The following ZNF835 variants were observed in gnomAD, a reference collection of about 807,000 sequenced individuals.
ZNF835 encodes the protein zinc finger protein 835.
For synonymous variants in ZNF835, 323 were observed against 324.7 expected, an observed-to-expected ratio of 0.99 and a Z score of 0.06; for missense variants, 783 against 758.4, an observed-to-expected ratio of 1.03 and a Z score of -0.38.
In ZNF835 at chr19:56,664,150, G is replaced by T; in HGVS notation, c.1049C>A (p.Thr350Lys). The T allele has an allele frequency of 6.2e-7, 1 of 1,608,802 alleles. No homozygotes were observed. Among genetic ancestry groups the T allele is most frequent in the Non-Finnish European group, 8.5e-7 (1 of 1,177,700 alleles). ...AKAFTQVSHLTQHQRTHTGER... is the reference protein window; with the variant it reads ...AKAFTQVSHLKQHQRTHTGER... ...TCCGGTGTGCGTGCGCTGGTGCTGCGTCAGGTGCGACACCTGGGTGAAGGC... is the reference window on the plus strand; with the variant it reads ...TCCGGTGTGCGTGCGCTGGTGCTGCTTCAGGTGCGACACCTGGGTGAAGGC... The change falls in exon 2 of 2, where the codon ACG (threonine) becomes AAG (lysine). Residue 350 changes from threonine (T) to lysine (K), a missense_variant. By Grantham distance (78) the Thr-to-Lys change is moderately conservative (BLOSUM62 -1). Transcript: ENST00000537055.
In ZNF835 at chr19:56,664,559, G is replaced by A; in HGVS notation, c.640C>T (p.Arg214Cys). 1 of 1,607,542 alleles carries A rather than the reference G, an allele frequency of 6.2e-7. No homozygotes were observed. Among genetic ancestry groups the A allele is most frequent in the Non-Finnish European group, 8.5e-7 (1 of 1,176,634 alleles). ...TRVTHLTQHR[R>C]VHTGERPYAC... ...TAGGGCCGCTCGCCCGTGTGCACGC[G>A]CCGGTGCTGGGTCAGGTGCGTGACG... The change falls in exon 2 of 2, where the codon CGC becomes TGC. Residue 214 changes from arginine (R) to cysteine (C), a missense_variant. By Grantham distance (180) the Arg-to-Cys change is radical. Transcript: ENST00000537055.
Position 56,667,539 on chromosome 19 carries a change from T to C in ZNF835, c.-47-2294A>G, listed in dbSNP as rs537112624. 7.2e-5 allele frequency among the ~76,000 whole-genome samples: 11 copies of C among 152,360 alleles called. No homozygotes were observed. The South Asian group carries it at 2.3e-3, about 32-fold the overall frequency. On this transcript the variant is annotated intron_variant, in intron 1 of 1. Coordinates refer to ENST00000537055, the MANE Select transcript of ZNF835 (RefSeq NM_001005850.3). ...AGGTCTCTCAGCAAGCTTGGCCTCA[T>C]GTTATGTGTGGGCTCAGCCCCTCAC... is the stretch of plus-strand genomic sequence containing the variant.
In ZNF835 at chr19:56,663,448, C is replaced by T. The variant is rs557797483; in HGVS notation, c.*137G>A. Reference sequence around the variant, plus strand: ...TGGCAGATGTGAGGTACAGTCTTAGCCCTGTGTCTTCCCCACTGTGTGCCC... The same window carrying T: ...TGGCAGATGTGAGGTACAGTCTTAGTCCTGTGTCTTCCCCACTGTGTGCCC... On this transcript the variant is annotated 3_prime_UTR_variant, in exon 2 of 2. Coordinates refer to ENST00000537055, the MANE Select transcript of ZNF835 (RefSeq NM_001005850.3). 9 of 1,234,046 alleles carry T rather than the reference C, an allele frequency of 7.3e-6. No individual in the cohort carries two copies. The highest frequency in any genetic ancestry group is 5.6e-5 in the South Asian group (4 of 71,256). The allele number at this position is 1,234,046 out of a possible 1,614,324, so 76.4% of individuals were successfully genotyped here.
In ZNF835 at chr19:56,665,204, A is replaced by G; in HGVS notation, c.-6T>C. On this transcript the variant is annotated 5_prime_UTR_variant, in exon 2 of 2. Coordinates refer to ENST00000537055, the MANE Select transcript of ZNF835 (RefSeq NM_001005850.3). The stretch of plus-strand genomic sequence containing the variant: ...ACGCTCAAGAGTCCCTCCATCCTCG[A>G]TCCCTGGGCTGCTGTCTTGATCTCA... 6.2e-7 allele frequency: 1 copy of G among 1,613,802 alleles called. No individual in the cohort carries two copies. The highest frequency in any genetic ancestry group is 2.2e-5 in the East Asian group (1 of 44,866).
chr19:56,671,366 G>A (rs1455973447), intron 1 of ZNF835, among the ~76,000 whole-genome samples: 2 of 151,872 alleles, frequency 1.3e-5, no homozygotes, highest in Non-Finnish European at 2.9e-5. Flanking sequence ...TGCAGATGCA[G>A]TGACAGGCTC....
At chr19:56,668,502 T>A (rs2045264231) in intron 1 of ZNF835, among the ~76,000 whole-genome samples, 2 of 151,754 alleles carry the variant, frequency 1.3e-5, no homozygotes, top group African/African-American at 4.8e-5. Flanking sequence ...AGGGCTTGGA[T>A]CACAGGCAGG....
At chr19:56,665,345 C>T (rs990169766) in intron 1 of ZNF835, 100 bp from the exon 2 acceptor site, 3 of 1,070,082 alleles carry the variant, frequency 2.8e-6, no homozygotes, top group Non-Finnish European at 4.3e-6. Flanking sequence ...GCATGGGGTC[C>T]CTGGACCTCT....
At chr19:56,666,376 G>A (rs2045246143) in intron 1 of ZNF835, among the ~76,000 whole-genome samples, 1 of 152,196 alleles carries the variant, frequency 6.6e-6, no homozygotes, top group Non-Finnish European at 1.5e-5. Flanking sequence ...CAAAGTGCTG[G>A]GATTACAGGC....
At chr19:56,667,068 CCTGT>C in intron 1 of ZNF835, among the ~76,000 whole-genome samples, 1 of 152,292 alleles carries the variant, frequency 6.6e-6, no homozygotes, top group Middle Eastern at 3.4e-3. Flanking sequence ...TGCAGGTTAC[CCTGT>C]CTGCTTTGCA....
intron 1 of ZNF835, among the ~76,000 whole-genome samples, chr19:56,667,661 C>T (rs1159930896): frequency 6.6e-6 from 1 of 152,198 alleles, no homozygotes; most frequent in African/African-American, 2.4e-5. Context: ...TGCTGCTGGA[C>T]AGGCTACGTC....
chr19:56,664,697 A>T lies in ZNF835; in HGVS notation c.502T>A (p.Cys168Ser). The T allele has an allele frequency of 6.2e-7, 1 of 1,609,946 alleles. No individual in the cohort carries two copies. Among genetic ancestry groups the T allele is most frequent in the Non-Finnish European group, 8.5e-7 (1 of 1,177,484 alleles). The part of the protein sequence containing the change: ...RTHTGEKPYA[C>S]HECGKAFSQG... ...CTGAAGGCCTTGCCGCACTCGTGGC[A>T]GGCGTAGGGCTTCTCGCCCGTGTGC... is the stretch of plus-strand genomic sequence containing the variant. Residue 168 changes from cysteine to serine, a missense_variant, in exon 2 of 2, where the codon TGC becomes AGC. Cys to Ser is a moderately radical substitution (Grantham distance 112, BLOSUM62 -1). Transcript: ENST00000537055.
intron 1 of ZNF835, among the ~76,000 whole-genome samples, chr19:56,665,991 T>C (rs570387122): frequency 2.0e-5 from 3 of 151,920 alleles, no homozygotes; most frequent in Admixed American, 1.3e-4. Context: ...GTGAACTGAA[T>C]TGTGCCCCCT....
Position 56,662,127 on chromosome 19 carries a change from C to A in ZNF835, c.*1458G>T, listed in dbSNP as rs1268420811. ...GCTTGGCTAGGAGGCTTGCTTTGGC[C>A]TGTGGGACTAGATGCAAATGTGACA... is the stretch of plus-strand genomic sequence containing the variant. On this transcript the variant is annotated 3_prime_UTR_variant, in exon 2 of 2. Coordinates refer to ENST00000537055, the MANE Select transcript of ZNF835 (RefSeq NM_001005850.3). The A allele has an allele frequency of 6.6e-6, 1 of 152,160 alleles. No individual in the cohort carries two copies. Among genetic ancestry groups the A allele is most frequent in the Non-Finnish European group, 1.5e-5 (1 of 68,040 alleles). 9.4% of individuals were successfully genotyped at this position (152,160 alleles called of 1,614,324 possible). A position where few individuals can be genotyped will look rare whatever the true frequency, so the allele number is the denominator to read the frequency against.
At position 56,664,231 on chromosome 19, in the gene ZNF835, T is replaced by A; in HGVS notation, c.968A>T (p.Glu323Val). 1 of 1,600,542 alleles carries A rather than the reference T, an allele frequency of 6.2e-7. No individual in the cohort carries two copies. Among genetic ancestry groups the A allele is most frequent in the Non-Finnish European group, 8.5e-7 (1 of 1,173,856 alleles). The change falls in exon 2 of 2, where the codon GAG (glutamate) becomes GTG (valine). Residue 323 changes from glutamate (E) to valine (V), a missense_variant. Coordinates refer to ENST00000537055, the MANE Select transcript of ZNF835 (RefSeq NM_001005850.3). The part of the protein sequence containing the change: ...ALFSQSASLA[E>V]HRRIHTGEKP... ...CTCGCCTGTGTGGATGCGCCGGTGC[T>A]CGGCCAGAGAGGCGCTCTGGCTGAA...
At chr19:56,669,557 C>G (rs1392832259) in intron 1 of ZNF835, among the ~76,000 whole-genome samples, 1 of 135,646 alleles carries the variant, frequency 7.4e-6, no homozygotes, top group African/African-American at 2.9e-5. Context: ...CAGGAGTCCT[C>G]CATTAGCATA....
chr19:56,663,418 G>A lies in ZNF835; in HGVS notation c.*167C>T. On this transcript the variant is annotated 3_prime_UTR_variant, in exon 2 of 2. Coordinates refer to ENST00000537055, the MANE Select transcript of ZNF835 (RefSeq NM_001005850.3). ...ATTTTGCACCAGGAAGACCGCAGGGGAGTCTGGCAGATGTGAGGTACAGTC... is the reference window on the plus strand; with the variant it reads ...ATTTTGCACCAGGAAGACCGCAGGGAAGTCTGGCAGATGTGAGGTACAGTC... 1 of 931,526 alleles carries A rather than the reference G, an allele frequency of 1.1e-6. No homozygotes were observed. Among genetic ancestry groups the A allele is most frequent in the Non-Finnish European group, 1.6e-6 (1 of 630,518 alleles). 57.7% of individuals were successfully genotyped at this position (931,526 alleles called of 1,614,324 possible). A position where few individuals can be genotyped will look rare whatever the true frequency, so the allele number is the denominator to read the frequency against.
In ZNF835 at chr19:56,664,484, C is replaced by CT. The variant is rs758403611; in HGVS notation, c.714dup (p.Glu239ArgfsTer9). ...TCACCGGTGTGGATGCGCTGGTGCT[C>CT]TATCAGGGACGAGCGGTTGCGGAAC... On this transcript the variant is annotated frameshift_variant, in exon 2 of 2. Transcript: ENST00000537055. LOFTEE classifies it low-confidence loss of function (END_TRUNC). 2.2e-5 allele frequency: 36 copies of CT among 1,606,460 alleles called. No homozygotes were observed. Among genetic ancestry groups the CT allele is most frequent in the Non-Finnish European group, 2.9e-5 (34 of 1,177,396 alleles).
intron 1 of ZNF835, 127 bp from the exon 2 acceptor site, chr19:56,665,372 G>A: frequency 1.1e-6 from 1 of 913,718 alleles, no homozygotes; most frequent in Non-Finnish European, 1.8e-6. Flanking sequence ...ATGACATTTT[G>A]GGTCCAATAA....
In ZNF835 at chr19:56,663,627, C is replaced by A. The variant is rs778095708; in HGVS notation, c.1572G>T (p.Gln524His). 12 of 1,614,048 alleles carry A rather than the reference C, an allele frequency of 7.4e-6. No homozygotes were observed. Among genetic ancestry groups the A allele is most frequent in the Non-Finnish European group, 1.0e-5 (12 of 1,179,894 alleles). ...CACGCGGGTTTCTGCCAGGGCACCC[C>A]TGTTGACAGGTTTCTCCTCCCTGTG... Reference protein sequence around the residue: ...GLSQGGETCQQGCPGRNPRGP... With the variant: ...GLSQGGETCQHGCPGRNPRGP... Residue 524 changes from glutamine to histidine, a missense_variant, in exon 2 of 2, where the codon CAG becomes CAT. Transcript: ENST00000537055.
Sources: gnomAD v4.1 joint callset for allele counts (sites outside exome capture counted in the v4.1 genomes callset) on GRCh38, gnomAD v4.1.1 for gene constraint, MANE v1.5 for transcripts, NCBI Gene and HGNC (gene_info 2026-07-23, HGNC 2026-07-21) for gene names.